Variants in SLC13A4 observed in about 807,000 individuals in gnomAD.
The protein encoded by SLC13A4 is Na(+)/sulfate cotransporter SUT-1.
SLC13A4 carries 28 observed loss-of-function variants against 72.7 expected under a neutral mutation model. The ratio of observed to expected loss-of-function variants is 0.39; its 90% CI spans 0.29 to 0.53. The LOEUF (loss-of-function observed/expected upper bound fraction) is 0.53, where lower values mean the gene tolerates loss of function less well. Ranked by LOEUF, SLC13A4 falls within the 20% of genes least tolerant of loss-of-function variation. The pLI, the probability that SLC13A4 is intolerant of heterozygous loss-of-function variation, is 0.78. For missense variants in SLC13A4, 653 were observed against 788.0 expected, an observed-to-expected ratio of 0.83 and a Z score of 2.05; for synonymous variants, 312 against 325.5, an observed-to-expected ratio of 0.96 and a Z score of 0.45.
At chr7:135,683,880 G>C (rs1795561135) in intron 15 of SLC13A4, 1 of 781,428 alleles carries the variant, frequency 1.3e-6, no homozygotes, top group Non-Finnish European at 1.6e-6. Flanking sequence ...GTCTGTTCCA[G>C]CTTTCTCTAC....
At chr7:135,707,453 C>A (rs4548120) in intron 3 of SLC13A4, 1 of 151,972 alleles carries the variant, frequency 6.6e-6, no homozygotes, top group Middle Eastern at 3.2e-3. Flanking sequence ...TATTTATACT[C>A]GTGTTGACTC....
intron 6 of SLC13A4, 91 bp from the exon 7 acceptor site, chr7:135,701,851 C>T: frequency 7.9e-7 from 1 of 1,273,808 alleles, no homozygotes; most frequent in Non-Finnish European, 1.1e-6. Context: ...CAGGGCCACC[C>T]CATGCCTCAG....
At chr7:135,699,104 C>T (rs1184314624) in intron 8 of SLC13A4, among the ~76,000 whole-genome samples, 1 of 152,016 alleles carries the variant, frequency 6.6e-6, no homozygotes, top group Admixed American at 6.6e-5. Flanking sequence ...CCATGCTCAG[C>T]TAATTTTTAA....
intron 2 of SLC13A4, among the ~76,000 whole-genome samples, chr7:135,713,088 A>C (rs1796339580): frequency 6.6e-6 from 1 of 152,154 alleles, no homozygotes; most frequent in Non-Finnish European, 1.5e-5. Context: ...GCTTGCCATT[A>C]GCATTCCTTT....
intron 4 of SLC13A4, chr7:135,705,888 G>GA: frequency 1.8e-6 from 1 of 564,132 alleles, no homozygotes; most frequent in Non-Finnish European, 3.1e-6. Context: ...GCATTTGGGG[G>GA]AAAAGAGCCC....
chr7:135,688,037 G>A (rs1414787711), intron 13 of SLC13A4, among the ~76,000 whole-genome samples: 1 of 150,658 alleles, frequency 6.6e-6, no homozygotes, highest in East Asian at 2.0e-4. Flanking sequence ...GTGCAGTGGT[G>A]CGATCTCGGC....
Position 135,727,691 on chromosome 7 carries a change from C to T in SLC13A4, c.-195G>A. The T allele has an allele frequency of 1.7e-6, 1 of 596,858 alleles. No homozygotes were observed. The highest frequency in any genetic ancestry group is 2.9e-5 in the East Asian group (1 of 33,968). 37.0% of individuals were successfully genotyped at this position (596,858 alleles called of 1,614,324 possible). ...CTACAAGAGGCTGGGCTCCTGGCCT[C>T]CTGCTTTAGGTGGGATTGATGAGCA... On this transcript the variant is annotated 5_prime_UTR_variant, in exon 1 of 16. Coordinates refer to ENST00000682651, the MANE Select transcript of SLC13A4 (RefSeq NM_001318192.2).
At position 135,681,701 on chromosome 7, in the gene SLC13A4, C is replaced by T; in HGVS notation, c.1747-1G>A. On this transcript the variant is annotated splice_acceptor_variant, in intron 15 of 15. Transcript: ENST00000682651. LOFTEE classifies it high-confidence loss of function. Reference sequence around the variant, plus strand: ...CGTTGACTCCCAGGCCAGCTTTCACCTGCAGGACACAAACCAGCACACCCT... The same window carrying T: ...CGTTGACTCCCAGGCCAGCTTTCACTTGCAGGACACAAACCAGCACACCCT... 1 of 1,612,540 alleles carries T rather than the reference C, an allele frequency of 6.2e-7. No homozygotes were observed. Among genetic ancestry groups the T allele is most frequent in the Non-Finnish European group, 8.5e-7 (1 of 1,179,140 alleles).
Position 135,699,266 on chromosome 7 carries a change from CTTCTA to C in SLC13A4, c.899+93_899+97del, listed in dbSNP as rs1019411008. ...GTTTTTCCCTCTTTCTACGGAAACTCTTCTATTCTCATTTTCTACCATATCTCTAG... is the reference window on the plus strand; with the variant it reads ...GTTTTTCCCTCTTTCTACGGAAACTCTTCTCATTTTCTACCATATCTCTAG... On this transcript the variant is annotated intron_variant, in intron 8 of 15. Coordinates refer to ENST00000682651, the MANE Select transcript of SLC13A4 (RefSeq NM_001318192.2). 13 of 1,218,230 alleles carry C rather than the reference CTTCTA, an allele frequency of 1.1e-5. No homozygotes were observed. The South Asian group carries it at 1.7e-4, about 16-fold the overall frequency. The allele number at this position is 1,218,230 out of a possible 1,614,324, so 75.5% of individuals were successfully genotyped here.
intron 13 of SLC13A4, among the ~76,000 whole-genome samples, 179 bp from the exon 14 acceptor site, chr7:135,685,862 A>G (rs1795610863): frequency 1.3e-5 from 2 of 152,252 alleles, no homozygotes; most frequent in South Asian, 4.1e-4. Flanking sequence ...TTTGTAGTTC[A>G]GAAAATTGGT....
intron 2 of SLC13A4, among the ~76,000 whole-genome samples, chr7:135,716,632 G>A (rs1348927119): frequency 1.3e-5 from 2 of 152,136 alleles, no homozygotes; most frequent in East Asian, 1.9e-4. Flanking sequence ...TTAATTCAAC[G>A]GAGGATTTTG....
chr7:135,702,036 A>C, intron 6 of SLC13A4: 3 of 321,958 alleles, frequency 9.3e-6, no homozygotes, highest in East Asian at 5.3e-5. Context: ...TTATTAGCTA[A>C]TGAAGAACCC....
In SLC13A4 at chr7:135,699,459, G is replaced by A; in HGVS notation, c.804C>T (p.Cys268=). Residue 268 remains cysteine (C), a synonymous_variant, in exon 8 of 16, where the codon TGC becomes TGT. Transcript: ENST00000682651. ...CGGAGTAGGATATGCTCAGGGAGAGGCACTTGCAGATCATCTGGTCATGGT... is the reference window on the plus strand; with the variant it reads ...CGGAGTAGGATATGCTCAGGGAGAGACACTTGCAGATCATCTGGTCATGGT... ...RSHHDQMICK[C]LSLSISYSAT... is the part of the protein sequence containing the mutation. 9 of 1,613,252 alleles carry A rather than the reference G, an allele frequency of 5.6e-6. No individual in the cohort carries two copies. The highest frequency in any genetic ancestry group is 7.6e-6 in the Non-Finnish European group (9 of 1,179,644).
chr7:135,710,120 G>C (rs1381032423), intron 2 of SLC13A4, among the ~76,000 whole-genome samples: 2 of 152,126 alleles, frequency 1.3e-5, no homozygotes, highest in African/African-American at 4.8e-5. Context: ...CCCTCTTAAA[G>C]TGAGAAAACA....
intron 2 of SLC13A4, among the ~76,000 whole-genome samples, chr7:135,718,078 C>CAT (rs1796467771): frequency 1.5e-5 from 2 of 133,384 alleles, no homozygotes; most frequent in Non-Finnish European, 3.1e-5. Context: ...CCTACACACA[C>CAT]ACACACACAC....
chr7:135,717,975 C>G (rs1796464849), intron 2 of SLC13A4, among the ~76,000 whole-genome samples: 1 of 152,144 alleles, frequency 6.6e-6, no homozygotes, highest in Non-Finnish European at 1.5e-5. Flanking sequence ...TGGACTCACA[C>G]AGAGTGACAT....
intron 13 of SLC13A4, among the ~76,000 whole-genome samples, chr7:135,690,717 C>T (rs181467331): frequency 6.1e-5 from 8 of 130,330 alleles, no homozygotes; most frequent in Admixed American, 1.7e-4. Context: ...TTCCTAGTAG[C>T]GCTGAGAAGC....
At chr7:135,715,049 AGT>A (rs1242406180) in intron 2 of SLC13A4, among the ~76,000 whole-genome samples, 2 of 136,504 alleles carry the variant, frequency 1.5e-5, no homozygotes, top group East Asian at 2.2e-4. Context: ...TGAGGGTATG[AGT>A]GTGTATGTGA....
chr7:135,703,265 C>T lies in SLC13A4; in HGVS notation c.594-381G>A, dbSNP rs193115649. ...CCTCCATTTACACCAGTACTTAGCA[C>T]GGGGATGCTAAGTGGCAGAGGAGGG... is the stretch of plus-strand genomic sequence containing the variant. On this transcript the variant is annotated intron_variant, in intron 5 of 15. Transcript: ENST00000682651. The T allele has an allele frequency of 2.3e-4, 45 of 199,242 alleles. No homozygotes were observed. The East Asian group carries it at 5.5e-3, about 25-fold the overall frequency. 12.3% of individuals were successfully genotyped at this position (199,242 alleles called of 1,614,324 possible). A position where few individuals can be genotyped will look rare whatever the true frequency, so the allele number is the denominator to read the frequency against.
Sources: gnomAD v4.1 joint callset for allele counts (sites outside exome capture counted in the v4.1 genomes callset) on GRCh38, gnomAD v4.1.1 for gene constraint, MANE v1.5 for transcripts, NCBI Gene and HGNC (gene_info 2026-07-23, HGNC 2026-07-21) for gene names.